The following DNAJC3 variants were observed in gnomAD, a reference collection of about 807,000 sequenced individuals.
DNAJC3 encodes dnaJ homolog subfamily C member 3.
In DNAJC3, 38 loss-of-function variants were observed where a neutral mutation model predicts 68.6. The ratio of observed to expected loss-of-function variants is 0.55; its 90% confidence interval spans 0.43 to 0.73. The LOEUF is 0.73. Ranked by LOEUF, DNAJC3 falls within the 30% of genes least tolerant of loss-of-function variation. DNAJC3 has a pLI of 0.00. For synonymous variants in DNAJC3, 203 were observed against 204.0 expected, an observed-to-expected ratio of 1.00 and a Z score of 0.04; for missense variants, 526 against 591.9, an observed-to-expected ratio of 0.89 and a Z score of 1.16.
rs1167512940 is a variant in DNAJC3, at chr13:95,791,251, C to G, written c.*221C>G. The stretch of plus-strand genomic sequence containing the variant: ...AATGGTTCTATTTCTGACAGAGCAG[C>G]CTGCATCTGCTTTATGCTGTCTGGA... On this transcript the variant is annotated 3_prime_UTR_variant, in exon 12 of 12. Transcript: ENST00000602402. The G allele has an allele frequency of 1.1e-5, 6 of 558,958 alleles. No individual in the cohort carries two copies. The highest frequency in any genetic ancestry group is 1.6e-5 in the Non-Finnish European group (5 of 320,934). 34.6% of individuals were successfully genotyped at this position (558,958 alleles called of 1,614,324 possible). A position where few individuals can be genotyped will look rare whatever the true frequency, so the allele number is the denominator to read the frequency against.
At chr13:95,769,399 T>C (rs1192193055) in intron 9 of DNAJC3, among the ~76,000 whole-genome samples, 2 of 152,238 alleles carry the variant, frequency 1.3e-5, no homozygotes, top group Non-Finnish European at 2.9e-5. Context: ...AGATTGGTCT[T>C]TGTTGGAAGA....
At position 95,792,173 on chromosome 13, in the gene DNAJC3, G is replaced by GTTGT. The variant is rs1883796987; in HGVS notation, c.*1146_*1149dup. ...AGTCAGGTCTGGCTATATTTCCACT[G>GTTGT]TTGTTTCATTTAATAAGATGGCATC... On this transcript the variant is annotated 3_prime_UTR_variant, in exon 12 of 12. Transcript: ENST00000602402. 6.6e-6 allele frequency: 1 copy of GTTGT among 152,150 alleles called. No individual in the cohort carries two copies. The highest frequency in any genetic ancestry group is 2.4e-5 in the African/African-American group (1 of 41,444). 9.4% of individuals were successfully genotyped at this position (152,150 alleles called of 1,614,324 possible).
Position 95,749,696 on chromosome 13 carries a change from G to T in DNAJC3, c.394-7948G>T, listed in dbSNP as rs185217755. Among the ~76,000 whole-genome samples, 335 of 151,584 alleles carry T rather than the reference G, an allele frequency of 2.2e-3. 3 individuals carry two copies. The highest frequency in any genetic ancestry group is 3.4e-3 in the Non-Finnish European group (233 of 67,946). On this transcript the variant is annotated intron_variant, in intron 4 of 11. Coordinates refer to ENST00000602402, the MANE Select transcript of DNAJC3 (RefSeq NM_006260.5). ...TAGCTGCCTGCCTGATATTGGATGT[G>T]TACATAAGAGGGTTCTGGAAACAGC... is the stretch of plus-strand genomic sequence containing the variant.
rs972836218 is a variant in DNAJC3, at chr13:95,709,253, G to A, written c.109G>A (p.Val37Ile). Residue 37 changes from valine to isoleucine, a missense_variant, in exon 2 of 12, where the codon GTT becomes ATT. Coordinates refer to ENST00000602402, the MANE Select transcript of DNAJC3 (RefSeq NM_006260.5). ...EGAECGVNAD[V>I]EKHLELGKKL... is the part of the protein sequence containing the mutation. ...TGCTGAATGTGGAGTAAATGCAGAT[G>A]TTGAGAAACATCTTGAATTGGGCAA... The A allele has an allele frequency of 3.2e-6, 5 of 1,582,594 alleles. No homozygotes were observed. Among genetic ancestry groups the A allele is most frequent in the Non-Finnish European group, 4.3e-6 (5 of 1,164,548 alleles).
At chr13:95,713,668 C>A (rs1477088630) in intron 2 of DNAJC3, among the ~76,000 whole-genome samples, 2 of 152,214 alleles carry the variant, frequency 1.3e-5, no homozygotes, top group Non-Finnish European at 2.9e-5. Flanking sequence ...AGGACTTCTT[C>A]ATGAGTTGCC....
rs138547443 is a variant in DNAJC3, at chr13:95,791,235, A to G, written c.*205A>G. On this transcript the variant is annotated 3_prime_UTR_variant, in exon 12 of 12. Coordinates refer to ENST00000602402, the MANE Select transcript of DNAJC3 (RefSeq NM_006260.5). ...CGGCAAGGAGGCAAGGAATGGTTCTATTTCTGACAGAGCAGCCTGCATCTG... is the reference window on the plus strand; with the variant it reads ...CGGCAAGGAGGCAAGGAATGGTTCTGTTTCTGACAGAGCAGCCTGCATCTG... 4,068 of 605,366 alleles carry G rather than the reference A, an allele frequency of 6.7e-3. 65 individuals are homozygous for G. Among genetic ancestry groups the G allele is most frequent in the Middle Eastern group, 5.0e-3 (11 of 2,190 alleles). The allele number at this position is 605,366 out of a possible 1,614,324, so 37.5% of individuals were successfully genotyped here. A position where few individuals can be genotyped will look rare whatever the true frequency, so the allele number is the denominator to read the frequency against.
At chr13:95,692,903 C>T in intron 1 of DNAJC3, 1 of 150,696 alleles carries the variant, frequency 6.6e-6, no homozygotes, top group African/African-American at 2.5e-5. Flanking sequence ...TCACTGCAAG[C>T]TCCGCCTCCC....
At chr13:95,739,403 A>G (rs1882047743) in intron 4 of DNAJC3, among the ~76,000 whole-genome samples, 1 of 150,966 alleles carries the variant, frequency 6.6e-6, no homozygotes, top group African/African-American at 2.4e-5. Context: ...CTCCTGGATA[A>G]TATCCTGCAG....
intron 9 of DNAJC3, among the ~76,000 whole-genome samples, chr13:95,772,658 T>C (rs1318949736): frequency 1.3e-5 from 2 of 152,228 alleles, no homozygotes; most frequent in Non-Finnish European, 2.9e-5. Context: ...TGTGTTTAAA[T>C]ATCTTACTTT....
chr13:95,740,788 G>GGGAGCTGTAGACC (rs1349070094), intron 4 of DNAJC3, among the ~76,000 whole-genome samples: 3 of 152,174 alleles, frequency 2.0e-5, no homozygotes, highest in Non-Finnish European at 4.4e-5. Flanking sequence ...CGCTCACGCT[G>GGGAGCTGTAGACC]GGAGCTGTAG....
intron 9 of DNAJC3, among the ~76,000 whole-genome samples, chr13:95,767,203 G>GA (rs1204691960): frequency 6.6e-6 from 1 of 152,036 alleles, no homozygotes; most frequent in East Asian, 1.9e-4. Context: ...CGGCCCCTGG[G>GA]AACCACCATT....
chr13:95,696,522 G>C (rs1880443824), intron 1 of DNAJC3, among the ~76,000 whole-genome samples: 3 of 152,092 alleles, frequency 2.0e-5, no homozygotes, highest in African/African-American at 7.2e-5. Context: ...TTTAACTTTT[G>C]GGGATGCTGT....
intron 4 of DNAJC3, among the ~76,000 whole-genome samples, chr13:95,754,920 A>C (rs904756314): frequency 6.6e-6 from 1 of 152,188 alleles, no homozygotes; most frequent in Non-Finnish European, 1.5e-5. Context: ...TTTTTCCAGA[A>C]GCTCAGTGAC....
chr13:95,714,007 C>G (rs954245603), intron 2 of DNAJC3, among the ~76,000 whole-genome samples: 1 of 152,130 alleles, frequency 6.6e-6, no homozygotes, highest in African/African-American at 2.4e-5. Flanking sequence ...TTGCAGTAGC[C>G]TGCTGTATAA....
chr13:95,711,211 A>G (rs566184420), intron 2 of DNAJC3, among the ~76,000 whole-genome samples: 129 of 152,294 alleles, frequency 8.5e-4, no homozygotes, highest in Non-Finnish European at 5.6e-4. Flanking sequence ...AAAAAACTCT[A>G]TTCAAGGCTG....
In DNAJC3 at chr13:95,740,096, T is replaced by G. The variant is rs976079158; in HGVS notation, c.393+14844T>G. Among the ~76,000 whole-genome samples, 14 of 152,270 alleles carry G rather than the reference T, an allele frequency of 9.2e-5. No individual in the cohort carries two copies. The East Asian group carries it at 2.7e-3, about 29-fold the overall frequency. ...GTGTGAGGTGTCAGTGTGCCCCTGC[T>G]GGGGGGTGCCTCCCAGTTAGGCTGC... On this transcript the variant is annotated intron_variant, in intron 4 of 11. Transcript: ENST00000602402.
intron 4 of DNAJC3, among the ~76,000 whole-genome samples, chr13:95,730,905 T>A (rs9590319): frequency 0.068 from 10,385 of 152,260 alleles, 418 homozygotes; most frequent in East Asian, 0.14. Context: ...GGTAGTATGA[T>A]CATTTTAACA....
chr13:95,715,006 A>C (rs1881091985), intron 2 of DNAJC3, among the ~76,000 whole-genome samples: 1 of 152,202 alleles, frequency 6.6e-6, no homozygotes, highest in African/African-American at 2.4e-5. Context: ...GTGTTCACCA[A>C]GAGGTGTAAA....
At chr13:95,777,342 C>T (rs1234752426) in intron 9 of DNAJC3, among the ~76,000 whole-genome samples, 1 of 152,162 alleles carries the variant, frequency 6.6e-6, no homozygotes, top group Non-Finnish European at 1.5e-5. Flanking sequence ...CTTCTTGTTG[C>T]CCATTCTCAG....
Sources: gnomAD v4.1 joint callset for allele counts (sites outside exome capture counted in the v4.1 genomes callset) on GRCh38, gnomAD v4.1.1 for gene constraint, MANE v1.5 for transcripts, NCBI Gene and HGNC (gene_info 2026-07-23, HGNC 2026-07-21) for gene names.